Variants in CTNNA3 observed in about 807,000 individuals in gnomAD.
CTNNA3 encodes catenin alpha 3.
Under a neutral mutation model 95.7 loss-of-function variants are expected in CTNNA3, and 76 were observed. The ratio of observed to expected loss-of-function variants is 0.79; its 90% CI spans 0.66 to 0.96. The LOEUF is 0.96. CTNNA3 is among the 40% of genes least tolerant of loss of function. CTNNA3 has a pLI of 0.00. For synonymous variants in CTNNA3, 431 were observed against 374.4 expected, an observed-to-expected ratio of 1.15 and a Z score of -1.74; for missense variants, 1,191 against 1,089.8, an observed-to-expected ratio of 1.09 and a Z score of -1.31.
chr10:66,128,178 A>T (rs1286842860), intron 13 of CTNNA3, among the ~76,000 whole-genome samples: 1 of 152,336 alleles, frequency 6.6e-6, no homozygotes, highest in East Asian at 1.9e-4. Context: ...ACTAATCTTC[A>T]TATACACAAA....
intron 13 of CTNNA3, among the ~76,000 whole-genome samples, chr10:66,150,719 C>T (rs1039303505): frequency 2.0e-5 from 3 of 151,908 alleles, no homozygotes; most frequent in Admixed American, 2.0e-4. Context: ...TGCTATTGAA[C>T]ACTACTTATT....
chr10:66,287,430 A>G (rs1345621113), intron 12 of CTNNA3, among the ~76,000 whole-genome samples: 2 of 152,042 alleles, frequency 1.3e-5, no homozygotes, highest in African/African-American at 4.8e-5. Context: ...TTTCCTCAGG[A>G]AAGTAGTAGG....
At chr10:66,000,557 T>G (rs11593372) in intron 15 of CTNNA3, among the ~76,000 whole-genome samples, 1 of 152,246 alleles carries the variant, frequency 6.6e-6, no homozygotes, top group South Asian at 2.1e-4. Context: ...GAAAACATAA[T>G]AGTATTAAAG....
At chr10:66,309,483 G>A (rs1452157928) in intron 12 of CTNNA3, among the ~76,000 whole-genome samples, 1 of 151,554 alleles carries the variant, frequency 6.6e-6, no homozygotes, top group African/African-American at 2.4e-5. Flanking sequence ...ACGAGGTCAG[G>A]AGATCGAGAC....
chr10:66,746,565 T>C lies in CTNNA3; in HGVS notation c.1281+19699A>G, dbSNP rs141997767. Among the ~76,000 whole-genome samples the C allele has an allele frequency of 1.8e-4, 27 of 152,332 alleles. No homozygotes were observed. The East Asian group carries it at 4.8e-3, about 27-fold the overall frequency. ...TCTAAGTCCTCACACATTAGCTATG[T>C]CATTTTATCTTCACAACTACTCTGT... On this transcript the variant is annotated intron_variant, in intron 9 of 17. Transcript: ENST00000433211.
chr10:66,235,787 A>ACG (rs1564796386), intron 13 of CTNNA3, among the ~76,000 whole-genome samples: 1 of 152,122 alleles, frequency 6.6e-6, no homozygotes, highest in African/African-American at 2.4e-5. Flanking sequence ...CTGACAATTA[A>ACG]TAGGGCCAGA....
intron 7 of CTNNA3, among the ~76,000 whole-genome samples, chr10:66,808,446 T>A (rs568924275): frequency 6.6e-6 from 1 of 152,314 alleles, no homozygotes; most frequent in Admixed American, 6.5e-5. Flanking sequence ...GAGACTCTGA[T>A]ACACTGCTGG....
At chr10:67,406,766 G>A (rs1003800440) in intron 5 of CTNNA3, among the ~76,000 whole-genome samples, 4 of 151,794 alleles carry the variant, frequency 2.6e-5, no homozygotes, top group African/African-American at 7.3e-5. Context: ...AAATAAAAAC[G>A]ACCATGAGAG....
intron 16 of CTNNA3, among the ~76,000 whole-genome samples, chr10:65,969,774 T>C (rs2078056509): frequency 6.6e-6 from 1 of 152,106 alleles, no homozygotes; most frequent in African/African-American, 2.4e-5. Context: ...TATGGGATTA[T>C]GTAAAGTGGC....
chr10:67,755,283 AACT>A (rs1038752845), intron 1 of CTNNA3, among the ~76,000 whole-genome samples: 2 of 152,178 alleles, frequency 1.3e-5, no homozygotes, highest in African/African-American at 4.8e-5. Flanking sequence ...TGCATATCAA[AACT>A]ACAATGAGAT....
At chr10:66,799,419 T>C (rs1377070792) in intron 7 of CTNNA3, among the ~76,000 whole-genome samples, 2 of 151,540 alleles carry the variant, frequency 1.3e-5, no homozygotes, top group Admixed American at 1.3e-4. Context: ...GAATTAATCA[T>C]TTATGAGATA....
intron 9 of CTNNA3, among the ~76,000 whole-genome samples, chr10:66,716,082 T>C (rs956375351): frequency 1.3e-5 from 2 of 152,122 alleles, no homozygotes; most frequent in African/African-American, 4.8e-5. Context: ...ATCCATTTGC[T>C]TGCCAATATG....
At chr10:67,320,318 G>A (rs2616687) in intron 5 of CTNNA3, among the ~76,000 whole-genome samples, 115,770 of 152,070 alleles carry the variant, frequency 0.76, 48,494 homozygotes, top group East Asian at 0.92. Context: ...CAATCTTTGA[G>A]TATGTGCAGA....
chr10:66,534,489 T>C (rs936128220), intron 10 of CTNNA3, among the ~76,000 whole-genome samples: 2,548 of 24,588 alleles, frequency 0.1, 48 homozygotes, highest in Non-Finnish European at 0.28. Context: ...TATATATATA[T>C]ATATATATAT....
At chr10:66,065,032 G>GA (rs1391889492) in intron 15 of CTNNA3, among the ~76,000 whole-genome samples, 3 of 151,996 alleles carry the variant, frequency 2.0e-5, no homozygotes, top group Non-Finnish European at 2.9e-5. Flanking sequence ...GGAAATATGG[G>GA]AAAAAATGAA....
At chr10:67,558,654 T>C (rs10219022) in intron 3 of CTNNA3, among the ~76,000 whole-genome samples, 60,586 of 152,092 alleles carry the variant, frequency 0.4, 15,381 homozygotes, top group African/African-American at 0.69. Context: ...GTGGGTGCAG[T>C]GCACTGTGCG....
intron 13 of CTNNA3, among the ~76,000 whole-genome samples, chr10:66,171,848 G>A (rs1404264085): frequency 6.6e-6 from 1 of 152,058 alleles, no homozygotes; most frequent in Non-Finnish European, 1.5e-5. Flanking sequence ...ATGAAATCAT[G>A]AGGGAACAAA....
In CTNNA3 at chr10:66,668,248, ATATAGGGGAATATAATG is replaced by A. The variant is rs527871229; in HGVS notation, c.1282-46481_1282-46465del. 2.8e-3 allele frequency among the ~76,000 whole-genome samples: 429 copies of A among 152,306 alleles called. 1 individual carries two copies. The highest frequency in any genetic ancestry group is 0.01 in the African/African-American group (420 of 41,572). The stretch of plus-strand genomic sequence containing the variant: ...AGAACTGATGATGGAAAAGGAAACT[ATATAGGGGAATATAATG>A]GGAAACATAAAAGGGAAATATGTCT... On this transcript the variant is annotated intron_variant, in intron 9 of 17. Coordinates refer to ENST00000433211, the MANE Select transcript of CTNNA3 (RefSeq NM_013266.4).
chr10:66,653,947 TC>T (rs1202429114), intron 9 of CTNNA3, among the ~76,000 whole-genome samples: 1 of 151,902 alleles, frequency 6.6e-6, no homozygotes, highest in African/African-American at 2.4e-5. Context: ...TATGTAAAAA[TC>T]AACTCAAAAT....
Sources: allele counts gnomAD v4.1 joint callset (sites outside exome capture counted in the v4.1 genomes callset), GRCh38; gene constraint gnomAD v4.1.1; transcripts MANE v1.5; gene names NCBI Gene and HGNC (gene_info 2026-07-23, HGNC 2026-07-21).